Variants in ZNF365 observed in about 807,000 individuals in gnomAD.
ZNF365 encodes the protein protein ZNF365.
ZNF365 carries 22 observed loss-of-function variants against 35.0 expected under a neutral mutation model. The ratio of observed to expected loss-of-function variants is 0.63; its 90% CI spans 0.45 to 0.90. ZNF365 has a LOEUF of 0.90. ZNF365 is among the 40% of genes least tolerant of loss of function. ZNF365 has a pLI of 0.00. For synonymous variants in ZNF365, 188 were observed against 196.2 expected (o/e 0.96, Z 0.35); for missense variants, 448 against 500.3 (o/e 0.90, Z 1.00).
intron 4 of ZNF365, among the ~76,000 whole-genome samples, chr10:62,467,251 C>T (rs1317453132): frequency 2.0e-5 from 3 of 152,158 alleles, no homozygotes; most frequent in Non-Finnish European, 4.4e-5. Context: ...CAAATTAGTT[C>T]ACTGCATGAT....
intron 4 of ZNF365, among the ~76,000 whole-genome samples, chr10:62,478,754 T>C (rs1460712705): frequency 6.6e-6 from 1 of 152,170 alleles, no homozygotes; most frequent in Non-Finnish European, 1.5e-5. Flanking sequence ...TTTTGTATTT[T>C]TAGTAGAGAC....
intron 3 of ZNF365, chr10:62,459,657 G>A (rs1840814633): frequency 7.0e-7 from 1 of 1,420,062 alleles, no homozygotes; most frequent in Non-Finnish European, 9.7e-7. Context: ...AATGGAACAT[G>A]GCACTGCTTG....
chr10:62,379,220 C>T (rs944882550), intron 2 of ZNF365, among the ~76,000 whole-genome samples: 3 of 151,942 alleles, frequency 2.0e-5, no homozygotes, highest in Admixed American at 6.6e-5. Context: ...GACGGGGTTT[C>T]GCCATGTTGG....
intron 3 of ZNF365, among the ~76,000 whole-genome samples, chr10:62,456,490 T>C (rs1300914688): frequency 6.6e-6 from 1 of 152,196 alleles, no homozygotes; most frequent in Non-Finnish European, 1.5e-5. Flanking sequence ...CCTGTATACT[T>C]TGGTATTAGT....
chr10:62,434,207 T>C (rs1840373975), intron 3 of ZNF365, among the ~76,000 whole-genome samples: 1 of 152,154 alleles, frequency 6.6e-6, no homozygotes, highest in African/African-American at 2.4e-5. Flanking sequence ...TGGGAAACAT[T>C]GAATTAGATA....
intron 3 of ZNF365, among the ~76,000 whole-genome samples, chr10:62,445,960 C>T (rs180981106): frequency 2.3e-3 from 344 of 152,266 alleles, no homozygotes; most frequent in Middle Eastern, 0.01. Context: ...CTTGTCTCAT[C>T]GGATACCTTT....
rs756669590 is a variant in ZNF365 at position 62,376,438 on chromosome 10, C to A, written c.245C>A (p.Pro82Gln). The change falls in exon 2 of 5, where the codon CCG becomes CAG. Residue 82 changes from proline to glutamine, a missense_variant. Around this residue, in one of 3 missense-constraint regions of ZNF365, gnomAD observed 76 missense variants for 96.7 expected, o/e 0.79. Transcript: ENST00000395254. Reference sequence around the variant, plus strand: ...GTCACTTCCTCAGAACTCCTGAAACCGGGAAAATTGCAGAGCAGTGGCAAC... The same window carrying A: ...GTCACTTCCTCAGAACTCCTGAAACAGGGAAAATTGCAGAGCAGTGGCAAC... ...DLVTSSELLK[P>Q]GKLQSSGNVV... 3 of 1,614,106 alleles carry A rather than the reference C, an allele frequency of 1.9e-6. No homozygotes were observed. The highest frequency in any genetic ancestry group is 2.5e-6 in the Non-Finnish European group (3 of 1,180,030).
chr10:62,397,552 A>T (rs918733662), intron 3 of ZNF365, among the ~76,000 whole-genome samples: 11 of 152,182 alleles, frequency 7.2e-5, no homozygotes, highest in African/African-American at 2.7e-4. Context: ...CTGCCTATAC[A>T]CTGGATGGTG....
At chr10:62,398,675 T>C (rs1016088815) in intron 3 of ZNF365, 65 bp from the exon 4 acceptor site, 1 of 1,480,006 alleles carries the variant, frequency 6.8e-7, no homozygotes, top group East Asian at 2.3e-5. Flanking sequence ...GTATAAGAAA[T>C]ATTTTAAAAA....
At chr10:62,430,478 T>A (rs1840318953) in intron 3 of ZNF365, among the ~76,000 whole-genome samples, 1 of 152,160 alleles carries the variant, frequency 6.6e-6, no homozygotes, top group African/African-American at 2.4e-5. Flanking sequence ...AAAGGTTTTA[T>A]CACATTGAAT....
intron 3 of ZNF365, among the ~76,000 whole-genome samples, chr10:62,394,217 C>T (rs1839683307): frequency 6.6e-6 from 1 of 152,122 alleles, no homozygotes; most frequent in Non-Finnish European, 1.5e-5. Flanking sequence ...GTGAGTATCT[C>T]CCTGGAGGGT....
At chr10:62,427,772 C>T (rs17220846) in intron 3 of ZNF365, among the ~76,000 whole-genome samples, 16,397 of 152,130 alleles carry the variant, frequency 0.11, 982 homozygotes, top group Middle Eastern at 0.15. Flanking sequence ...TGGCTGCTAT[C>T]CCTGTGTTAA....
At chr10:62,414,162 A>G (rs1030129663) in intron 3 of ZNF365, among the ~76,000 whole-genome samples, 5 of 152,132 alleles carry the variant, frequency 3.3e-5, no homozygotes, top group African/African-American at 1.2e-4. Context: ...GCTTCTTAGC[A>G]CAAGTGAACT....
At chr10:62,466,675 A>G (rs190681439) in intron 4 of ZNF365, among the ~76,000 whole-genome samples, 21 of 151,626 alleles carry the variant, frequency 1.4e-4, no homozygotes, top group Middle Eastern at 3.4e-3. Context: ...TAGCCTTTGT[A>G]TTGCACTCAG....
At position 62,399,635 on chromosome 10, in the gene ZNF365, T is replaced by A. The variant is rs1162876327; in HGVS notation, c.1070T>A (p.Met357Lys). The part of the protein sequence containing the change: ...LKKAKDDRAS[M>K]QPAKAIHEQA... ...AAGGCCAAGGATGACAGAGCCAGCA[T>A]GCAGCCTGCCAAGGCCATTCACGAA... Residue 357 changes from methionine to lysine, a missense_variant, in exon 5 of 5, where the codon ATG (methionine) becomes AAG (lysine). Met to Lys is a moderately conservative substitution (Grantham distance 95). This residue lies in a region of ZNF365 where 362 missense variants were observed against 375.7 expected (regional missense o/e 0.96). Coordinates refer to ENST00000395254, the MANE Select transcript of ZNF365 (RefSeq NM_014951.3). 4 of 1,614,118 alleles carry A rather than the reference T, an allele frequency of 2.5e-6. No homozygotes were observed. In the East Asian group the frequency reaches 8.9e-5, roughly 36 times the overall value.
chr10:62,378,243 G>A (rs949006102), intron 2 of ZNF365, among the ~76,000 whole-genome samples: 2 of 152,182 alleles, frequency 1.3e-5, no homozygotes, highest in African/African-American at 2.4e-5. Flanking sequence ...TGAAAAAAGG[G>A]CAGATGTGGT....
chr10:62,412,540 C>T (rs1025050562), intron 3 of ZNF365, among the ~76,000 whole-genome samples: 1 of 152,114 alleles, frequency 6.6e-6, no homozygotes, highest in Non-Finnish European at 1.5e-5. Context: ...CCCATCATCT[C>T]AGCCCAAAAT....
chr10:62,381,152 T>C (rs1839432081), intron 2 of ZNF365, among the ~76,000 whole-genome samples: 1 of 152,094 alleles, frequency 6.6e-6, no homozygotes, highest in Non-Finnish European at 1.5e-5. Flanking sequence ...TTTTTATGTG[T>C]GGAGAGGCCA....
chr10:62,452,559 T>A (rs1488387114), intron 3 of ZNF365, among the ~76,000 whole-genome samples: 1 of 152,142 alleles, frequency 6.6e-6, no homozygotes, highest in East Asian at 1.9e-4. Context: ...TGCACATCTA[T>A]CTCCCTGGAG....
Sources: gnomAD v4.1 joint callset for allele counts (sites outside exome capture counted in the v4.1 genomes callset) on GRCh38, gnomAD v4.1.1 for gene constraint, gnomAD v4.1.1 regional missense constraint, MANE v1.5 for transcripts, NCBI Gene and HGNC (gene_info 2026-07-23, HGNC 2026-07-21) for gene names.